The following WTAP variants were observed in gnomAD, a reference collection of about 807,000 sequenced individuals.
WTAP encodes pre-mRNA-splicing regulator WTAP.
A neutral mutation model predicts 50.0 loss-of-function variants in WTAP; 8 were observed. The ratio of observed to expected loss-of-function variants is 0.16; its 90% CI spans 0.09 to 0.29. The LOEUF is 0.29. WTAP is among the 10% of genes least tolerant of loss of function. The pLI, the probability that WTAP is intolerant of heterozygous loss-of-function variation, is 1.00. For missense variants in WTAP, 295 were observed against 470.7 expected (o/e 0.63, Z 3.45); for synonymous variants, 194 against 169.0 (o/e 1.15, Z -1.15).
intron 7 of WTAP, among the ~76,000 whole-genome samples, chr6:159,754,378 A>G (rs1264470440): frequency 6.6e-6 from 1 of 152,168 alleles, no homozygotes; most frequent in Non-Finnish European, 1.5e-5. Context: ...TAAGGATCAG[A>G]CTTGCTATGG....
upstream of WTAP, chr6:159,727,374 T>TGGCAGGAGGCGGGAGGGGGGA: frequency 9.7e-7 from 1 of 1,032,510 alleles, no homozygotes; most frequent in South Asian, 1.6e-5. Flanking sequence ...GCGGGGAGGC[T>TGGCAGGAGGCGGGAGGGGGGA]GGCGGGAGGC....
intron 5 of WTAP, among the ~76,000 whole-genome samples, chr6:159,747,986 C>G (rs914160429): frequency 6.6e-6 from 1 of 151,994 alleles, no homozygotes; most frequent in Non-Finnish European, 1.5e-5. Flanking sequence ...GTGATCAGAT[C>G]GGGGTAATTA....
chr6:159,749,030 A>G lies in WTAP; in HGVS notation c.452+661A>G, dbSNP rs1779723049. 9 of 996,608 alleles carry G rather than the reference A, an allele frequency of 9.0e-6. No individual in the cohort carries two copies. In the South Asian group the frequency reaches 3.3e-4, roughly 36 times the overall value. The allele number at this position is 996,608 out of a possible 1,614,324, so 61.7% of individuals were successfully genotyped here. A position where few individuals can be genotyped will look rare whatever the true frequency, so the allele number is the denominator to read the frequency against. On this transcript the variant is annotated intron_variant, in intron 6 of 7. Transcript: ENST00000621533. ...AGATGTCCGTACAAGTAGCGCATAT[A>G]TTTAACCATTTAGTTTGGGGCTCTA... is the stretch of plus-strand genomic sequence containing the variant.
At chr6:159,728,469 A>G (rs1778364019) in intron 1 of WTAP, among the ~76,000 whole-genome samples, 1 of 152,234 alleles carries the variant, frequency 6.6e-6, no homozygotes, top group African/African-American at 2.4e-5. Flanking sequence ...AAATACTTCT[A>G]TGAGTATGTT....
chr6:159,727,459 AGCGGAGCCGTGCGGCGGG>A, upstream of WTAP: 1 of 956,176 alleles, frequency 1.0e-6, no homozygotes, highest in African/African-American at 2.3e-5. Flanking sequence ...GGCAGGGCGG[AGCGGAGCCGTGCGGCGGG>A]GCGGGGCCGG....
chr6:159,755,745 C>CTTTGTTTTTTTTTTTTTTTTTTTTTTTT lies in WTAP; in HGVS notation c.*148_*149insTTTTTTTTTTTTTTTTTGTTTTTTTTTT, dbSNP rs1260302046. 1 of 283,344 alleles carries CTTTGTTTTTTTTTTTTTTTTTTTTTTTT rather than the reference C, an allele frequency of 3.5e-6. No homozygotes were observed. Among genetic ancestry groups the CTTTGTTTTTTTTTTTTTTTTTTTTTTTT allele is most frequent in the African/African-American group, 8.8e-5 (1 of 11,412 alleles). The allele number at this position is 283,344 out of a possible 1,614,324, so 17.6% of individuals were successfully genotyped here. On this transcript the variant is annotated 3_prime_UTR_variant, in exon 8 of 8. Transcript: ENST00000621533. ...TTGGTTTTTTTTTGTTGTTTTTTTT[C>CTTTGTTTTTTTTTTTTTTTTTTTTTTTT]TTTGTTTTTTTTTTCTTTTCTTTTT... is the stretch of plus-strand genomic sequence containing the variant.
At chr6:159,746,754 C>T (rs367597380) in intron 5 of WTAP, among the ~76,000 whole-genome samples, 1 of 152,184 alleles carries the variant, frequency 6.6e-6, no homozygotes, top group South Asian at 2.1e-4. Flanking sequence ...TGCCAATCAA[C>T]TCAAAATAGA....
chr6:159,748,331 C>T lies in WTAP; in HGVS notation c.414C>T (p.Ala138=). The T allele has an allele frequency of 1.2e-6, 2 of 1,613,704 alleles. No individual in the cohort carries two copies. The highest frequency in any genetic ancestry group is 8.5e-7 in the Non-Finnish European group (1 of 1,179,812). Residue 138 remains alanine, a synonymous_variant, in exon 6 of 8, where the codon GCC becomes GCT. Transcript: ENST00000621533. The surrounding 1 kb of genome is among the most constrained non-coding windows in gnomAD (Gnocchi z 5.6). ...LEQTKDKLEQ[A]QNELSAWKFT... is the part of the protein sequence containing the mutation. Reference sequence around the variant, plus strand: ...AGACTAAAGACAAACTGGAACAAGCCCAAAATGAACTGAGTGCCTGGAAGT... The same window carrying T: ...AGACTAAAGACAAACTGGAACAAGCTCAAAATGAACTGAGTGCCTGGAAGT...
chr6:159,734,045 G>T (rs1778753296), intron 1 of WTAP, among the ~76,000 whole-genome samples: 1 of 152,188 alleles, frequency 6.6e-6, no homozygotes, highest in Non-Finnish European at 1.5e-5. Flanking sequence ...ATAACAGTAT[G>T]ATTAGAATGT....
chr6:159,740,998 A>G (rs959753976), intron 3 of WTAP, among the ~76,000 whole-genome samples: 2 of 152,062 alleles, frequency 1.3e-5, no homozygotes, highest in African/African-American at 4.8e-5. Flanking sequence ...CTTTTTGTTC[A>G]TTATGTTGTA....
chr6:159,733,114 C>T (rs1778689709), intron 1 of WTAP, among the ~76,000 whole-genome samples: 1 of 152,022 alleles, frequency 6.6e-6, no homozygotes, highest in Non-Finnish European at 1.5e-5. Context: ...TACAAAGCAG[C>T]TTTCTGTAAT....
At position 159,748,171 on chromosome 6, in the gene WTAP, G is replaced by T. The variant is rs1779689939; in HGVS notation, c.274-20G>T. On this transcript the variant is annotated intron_variant, in intron 5 of 7. Coordinates refer to ENST00000621533, the MANE Select transcript of WTAP (RefSeq NM_001270531.2). This position sits in a 1 kb window ranked among gnomAD's most constrained non-coding sequence, Gnocchi z 5.6. ...TGTTTCCTTTGATTTGGTCGTAATT[G>T]TTTCTTTTGCTTTGCACAGACTCAA... The T allele has an allele frequency of 8.7e-6, 14 of 1,605,972 alleles. No homozygotes were observed. The highest frequency in any genetic ancestry group is 1.1e-5 in the Non-Finnish European group (13 of 1,174,656).
At position 159,755,635 on chromosome 6, in the gene WTAP, C is replaced by T; in HGVS notation, c.*24C>T. The stretch of plus-strand genomic sequence containing the variant: ...AATATTTTTTCAGCAAATTTTTATA[C>T]AGTGTCATTTAATTTGGGAGAGGAT... On this transcript the variant is annotated 3_prime_UTR_variant, in exon 8 of 8. Transcript: ENST00000621533. The T allele has an allele frequency of 6.4e-6, 10 of 1,557,154 alleles. No individual in the cohort carries two copies. The highest frequency in any genetic ancestry group is 2.3e-5 in the East Asian group (1 of 44,360).
At chr6:159,742,265 T>C in intron 4 of WTAP, 119 bp downstream of exon 4, 2 of 786,614 alleles carry the variant, frequency 2.5e-6, no homozygotes, top group Non-Finnish European at 4.0e-6. Flanking sequence ...TTATAAGAAC[T>C]GTACATAGGC....
chr6:159,730,554 A>C (rs1266119484), intron 1 of WTAP, among the ~76,000 whole-genome samples: 1 of 152,236 alleles, frequency 6.6e-6, no homozygotes, highest in South Asian at 2.1e-4. Flanking sequence ...AATGTTGTAG[A>C]CAGTTGTAAA....
At chr6:159,749,424 T>G (rs1779742029) in intron 6 of WTAP, 2 of 953,610 alleles carry the variant, frequency 2.1e-6, no homozygotes. Context: ...TTGAAATAGT[T>G]GGTTTTTTTT....
upstream of WTAP, chr6:159,727,228 C>T: frequency 7.9e-7 from 1 of 1,272,368 alleles, no homozygotes; most frequent in Non-Finnish European, 1.0e-6. Context: ...TGCCTCGAGG[C>T]CCCGATCGGG....
At chr6:159,743,197 A>G (rs1221406265) in intron 4 of WTAP, among the ~76,000 whole-genome samples, 1 of 152,134 alleles carries the variant, frequency 6.6e-6, no homozygotes, top group Admixed American at 6.5e-5. Context: ...ACAGACATGC[A>G]TCACCACGAC....
chr6:159,738,217 T>C (rs1283918117), intron 2 of WTAP, among the ~76,000 whole-genome samples: 3 of 152,240 alleles, frequency 2.0e-5, no homozygotes, highest in African/African-American at 7.2e-5. Context: ...CATCGAGTTA[T>C]TCTTTTATAG....
Sources: allele counts gnomAD v4.1 joint callset (sites outside exome capture counted in the v4.1 genomes callset), GRCh38; gene constraint gnomAD v4.1.1; non-coding constraint Gnocchi (gnomAD v3.1); transcripts MANE v1.5; gene names NCBI Gene and HGNC (gene_info 2026-07-23, HGNC 2026-07-21).